Variants in COMMD10 observed in about 807,000 individuals in gnomAD.
The protein encoded by COMMD10 is COMM domain containing 10.
A neutral mutation model predicts 28.9 loss-of-function variants in COMMD10; 33 were observed. The observed-to-expected ratio is 1.14, with a 90% CI of 0.87 to 1.53. The LOEUF (loss-of-function observed/expected upper bound fraction) is 1.53. Among genes scored for constraint, COMMD10 ranks in the 40% most tolerant of loss-of-function variants. COMMD10 has a pLI of 0.00. For missense variants in COMMD10, 310 were observed against 233.4 expected (o/e 1.33, Z -2.14); for synonymous variants, 110 against 81.7 (o/e 1.35, Z -1.87).
chr5:116,257,011 G>A (rs1411934222), intron 5 of COMMD10, among the ~76,000 whole-genome samples: 1 of 151,716 alleles, frequency 6.6e-6, no homozygotes, highest in East Asian at 1.9e-4. Context: ...AACAATGGCA[G>A]GCTTTCATAC....
At chr5:116,286,210 C>T (rs1751214719) in intron 5 of COMMD10, among the ~76,000 whole-genome samples, 1 of 151,520 alleles carries the variant, frequency 6.6e-6, no homozygotes, top group Non-Finnish European at 1.5e-5. Context: ...ATAATGTCCT[C>T]TCTTTCATTT....
rs1369972146 is a variant in COMMD10, at chr5:116,092,719, TAA to T, written c.399+21_399+22del. 3 of 1,487,848 alleles carry T rather than the reference TAA, an allele frequency of 2.0e-6. No homozygotes were observed. The highest frequency in any genetic ancestry group is 2.8e-5 in the African/African-American group (2 of 70,864). The allele number at this position is 1,487,848 out of a possible 1,614,324, so 92.2% of individuals were successfully genotyped here. A position where few individuals can be genotyped will look rare whatever the true frequency, so the allele number is the denominator to read the frequency against. On this transcript the variant is annotated intron_variant, in intron 4 of 6. Transcript: ENST00000274458. The stretch of plus-strand genomic sequence containing the variant: ...CTGTAAGGTATAGAACATACTGTCT[TAA>T]ATATGTTTTTCAATAACATATGGCA...
At chr5:116,258,625 C>G (rs1750355533) in intron 5 of COMMD10, among the ~76,000 whole-genome samples, 2 of 151,750 alleles carry the variant, frequency 1.3e-5, no homozygotes, top group South Asian at 4.1e-4. Flanking sequence ...TTTGAAAATA[C>G]TATTCTATTG....
At chr5:116,246,466 A>T (rs1013513671) in intron 5 of COMMD10, among the ~76,000 whole-genome samples, 1 of 151,562 alleles carries the variant, frequency 6.6e-6, no homozygotes, top group Non-Finnish European at 1.5e-5. Context: ...TTCTTTGTAG[A>T]ACTAGGAAAA....
chr5:116,162,372 A>T (rs538331168), intron 5 of COMMD10, among the ~76,000 whole-genome samples: 5 of 152,118 alleles, frequency 3.3e-5, no homozygotes, highest in East Asian at 1.9e-4. Context: ...AATTTATGAA[A>T]TCTTTTTTGC....
At chr5:116,245,697 A>G (rs995027381) in intron 5 of COMMD10, among the ~76,000 whole-genome samples, 8 of 152,146 alleles carry the variant, frequency 5.3e-5, no homozygotes, top group African/African-American at 9.7e-5. Context: ...TATGCAAATC[A>G]ATAAATGTCA....
intron 4 of COMMD10, among the ~76,000 whole-genome samples, chr5:116,122,076 G>T (rs1167285824): frequency 6.6e-6 from 1 of 152,150 alleles, no homozygotes; most frequent in Admixed American, 6.5e-5. Flanking sequence ...GTCCTGAATG[G>T]TATTGCCTAG....
chr5:116,166,070 C>T (rs983167459), intron 5 of COMMD10, among the ~76,000 whole-genome samples: 2 of 152,134 alleles, frequency 1.3e-5, no homozygotes, highest in African/African-American at 4.8e-5. Flanking sequence ...CATACCTAGA[C>T]ATTCTATGGC....
intron 5 of COMMD10, among the ~76,000 whole-genome samples, chr5:116,176,664 C>T (rs1753523722): frequency 6.6e-6 from 1 of 152,052 alleles, no homozygotes; most frequent in Non-Finnish European, 1.5e-5. Flanking sequence ...AGGTTGTACT[C>T]TTAATGGGTG....
In COMMD10 at chr5:116,211,633, T is replaced by G. The variant is rs79629847; in HGVS notation, c.510+77455T>G. Among the ~76,000 whole-genome samples, 127 of 152,232 alleles carry G rather than the reference T, an allele frequency of 8.3e-4. 1 individual carries two copies. The highest frequency in any genetic ancestry group is 2.9e-3 in the African/African-American group (120 of 41,542). On this transcript the variant is annotated intron_variant, in intron 5 of 6. Transcript: ENST00000274458. The stretch of plus-strand genomic sequence containing the variant: ...TTAATATGGATTTGTATAAATAAAT[T>G]TCTAGTAACGCTCAAATAACATACA...
intron 4 of COMMD10, among the ~76,000 whole-genome samples, chr5:116,107,318 C>G (rs907063471): frequency 6.6e-6 from 1 of 152,182 alleles, no homozygotes; most frequent in Admixed American, 6.5e-5. Context: ...GTACACCAAT[C>G]AAACATAGAT....
At chr5:116,201,591 C>T (rs775472700) in intron 5 of COMMD10, among the ~76,000 whole-genome samples, 9 of 152,102 alleles carry the variant, frequency 5.9e-5, no homozygotes, top group African/African-American at 9.6e-5. Flanking sequence ...CTTATGGATC[C>T]GAGAAGAATC....
intron 4 of COMMD10, among the ~76,000 whole-genome samples, chr5:116,096,272 T>G (rs547498931): frequency 6.6e-6 from 1 of 152,084 alleles, no homozygotes; most frequent in South Asian, 2.1e-4. Context: ...CAGTGTCTTT[T>G]GTTTTCAGCT....
At chr5:116,098,271 A>G (rs969390974) in intron 4 of COMMD10, among the ~76,000 whole-genome samples, 3 of 152,184 alleles carry the variant, frequency 2.0e-5, no homozygotes, top group Admixed American at 2.0e-4. Flanking sequence ...ATTGTAACAA[A>G]AATATATTAC....
chr5:116,107,452 C>G (rs11738674), intron 4 of COMMD10, among the ~76,000 whole-genome samples: 76,636 of 152,010 alleles, frequency 0.5, 21,925 homozygotes, highest in Non-Finnish European at 0.65. Flanking sequence ...GATATCCTTT[C>G]TTTTGCTTTA....
At chr5:116,087,390 C>T (rs1342766438) in intron 1 of COMMD10, 107 bp from the exon 2 acceptor site, 1 of 696,758 alleles carries the variant, frequency 1.4e-6, no homozygotes, top group Non-Finnish European at 2.6e-6. Flanking sequence ...CTCAGATTTA[C>T]CATATAGCAT....
At chr5:116,240,645 G>A (rs562492403) in intron 5 of COMMD10, among the ~76,000 whole-genome samples, 3 of 152,148 alleles carry the variant, frequency 2.0e-5, no homozygotes, top group African/African-American at 4.8e-5. Context: ...CTCCTGCTTC[G>A]GTATCCTAGG....
At chr5:116,137,060 A>G (rs991858821) in intron 5 of COMMD10, among the ~76,000 whole-genome samples, 8 of 152,066 alleles carry the variant, frequency 5.3e-5, no homozygotes, top group African/African-American at 1.4e-4. Flanking sequence ...CCCTAGCTGT[A>G]AAGGAACAGT....
At chr5:116,202,547 G>A (rs1748697354) in intron 5 of COMMD10, among the ~76,000 whole-genome samples, 1 of 151,500 alleles carries the variant, frequency 6.6e-6, no homozygotes. Context: ...TCCAGCACCT[G>A]TTGTTTCCTG....
Sources: allele counts gnomAD v4.1 joint callset (sites outside exome capture counted in the v4.1 genomes callset), GRCh38; gene constraint gnomAD v4.1.1; transcripts MANE v1.5; gene names NCBI Gene and HGNC (gene_info 2026-07-23, HGNC 2026-07-21).